Variants in CLASP1 observed in about 807,000 individuals in gnomAD.
CLASP1 encodes the protein CLIP-associating protein 1.
Under a neutral mutation model 192.3 loss-of-function variants are expected in CLASP1, and 38 were observed. That is an observed-to-expected ratio of 0.20 (90% confidence interval 0.15 to 0.26). The LOEUF (loss-of-function observed/expected upper bound fraction) is 0.26, where lower values mean the gene tolerates loss of function less well. Among genes scored for constraint, CLASP1 ranks in the 10% least tolerant of loss-of-function variants. CLASP1 has a pLI of 1.00. For missense variants in CLASP1, 1,433 were observed against 1,932.5 expected, an observed-to-expected ratio of 0.74 and a Z score of 4.85; for synonymous variants, 691 against 712.8, an observed-to-expected ratio of 0.97 and a Z score of 0.49.
chr2:121,610,512 AGAG>A (rs1440192564), intron 1 of CLASP1, among the ~76,000 whole-genome samples: 2 of 113,608 alleles, frequency 1.8e-5, no homozygotes, highest in Non-Finnish European at 3.7e-5. Context: ...AAGAGGAACT[AGAG>A]GAGGAGGAGG....
chr2:121,473,934 TG>T (rs1439275555), intron 8 of CLASP1, among the ~76,000 whole-genome samples: 1 of 152,044 alleles, frequency 6.6e-6, no homozygotes, highest in Non-Finnish European at 1.5e-5. Flanking sequence ...CTTCAAGAAA[TG>T]TAACAGGAAG....
chr2:121,647,982 G>A (rs2073486238), intron 1 of CLASP1, among the ~76,000 whole-genome samples: 1 of 152,260 alleles, frequency 6.6e-6, no homozygotes, highest in South Asian at 2.1e-4. Context: ...TGCTAAAAAG[G>A]TGTATTACAC....
At chr2:121,492,286 G>A (rs982542273) in intron 8 of CLASP1, among the ~76,000 whole-genome samples, 2 of 151,384 alleles carry the variant, frequency 1.3e-5, no homozygotes, top group Non-Finnish European at 2.9e-5. Context: ...CTACCCGGGA[G>A]GCTGAGGCAG....
exon 22 of CLASP1, chr2:121,425,169 G>A: frequency 1.9e-6 from 3 of 1,611,674 alleles, no homozygotes; most frequent in Non-Finnish European, 2.5e-6. Context: ...CTTGTTTCCC[G>A]GCTACATCCC....
chr2:121,589,163 C>G (rs2062074448), intron 2 of CLASP1, among the ~76,000 whole-genome samples: 1 of 152,210 alleles, frequency 6.6e-6, no homozygotes, highest in Non-Finnish European at 1.5e-5. Flanking sequence ...TCTCAACCAC[C>G]ACGCTGGCCA....
chr2:121,610,506 G>C (rs765488436), intron 1 of CLASP1, among the ~76,000 whole-genome samples: 34 of 147,050 alleles, frequency 2.3e-4, no homozygotes, highest in Non-Finnish European at 4.6e-4. Flanking sequence ...AGGAGGAAGA[G>C]GAACTAGAGG....
chr2:121,520,078 G>C (rs1417271925), intron 6 of CLASP1, among the ~76,000 whole-genome samples: 1 of 152,178 alleles, frequency 6.6e-6, no homozygotes, highest in Non-Finnish European at 1.5e-5. Flanking sequence ...TCCAACGTCT[G>C]ACCATGTTGT....
intron 22 of CLASP1, among the ~76,000 whole-genome samples, chr2:121,419,938 G>A (rs929209321): frequency 6.6e-6 from 1 of 152,088 alleles, no homozygotes; most frequent in Non-Finnish European, 1.5e-5. Context: ...TTGTTTGAGA[G>A]CAAAGATTTA....
chr2:121,615,514 A>C (rs897521855), intron 1 of CLASP1, among the ~76,000 whole-genome samples: 1 of 151,832 alleles, frequency 6.6e-6, no homozygotes, highest in East Asian at 2.0e-4. Flanking sequence ...AAACAAAAAC[A>C]GGTCGGGTGC....
intron 1 of CLASP1, among the ~76,000 whole-genome samples, chr2:121,613,629 TA>T (rs34993191): frequency 0.67 from 98,877 of 148,630 alleles, 34,273 homozygotes; most frequent in Middle Eastern, 0.8. Context: ...CCTTTTTTTT[TA>T]AAAAAAAAAA....
chr2:121,471,619 T>C (rs2090752039), intron 8 of CLASP1, among the ~76,000 whole-genome samples: 1 of 152,074 alleles, frequency 6.6e-6, no homozygotes, highest in Non-Finnish European at 1.5e-5. Context: ...CAATGCTCCC[T>C]AAAACTCAAC....
intron 2 of CLASP1, among the ~76,000 whole-genome samples, chr2:121,562,530 G>C (rs1295676208): frequency 6.6e-6 from 1 of 152,174 alleles, no homozygotes; most frequent in Non-Finnish European, 1.5e-5. Context: ...CCAACACTGA[G>C]AGTCCTATGA....
intron 8 of CLASP1, among the ~76,000 whole-genome samples, chr2:121,491,417 T>C (rs1335808377): frequency 6.6e-6 from 1 of 152,248 alleles, no homozygotes; most frequent in African/African-American, 2.4e-5. Context: ...CAAATTAATG[T>C]TCATGGGCCT....
At chr2:121,474,996 G>C (rs2091426089) in intron 8 of CLASP1, among the ~76,000 whole-genome samples, 1 of 152,168 alleles carries the variant, frequency 6.6e-6, no homozygotes, top group South Asian at 2.1e-4. Flanking sequence ...GCAAACACAT[G>C]CACATAAAAA....
intron 8 of CLASP1, among the ~76,000 whole-genome samples, chr2:121,475,622 G>A (rs72969336): frequency 0.039 from 5,872 of 152,270 alleles, 158 homozygotes; most frequent in East Asian, 0.14. Flanking sequence ...CTAAGCATAC[G>A]TCTGGTAGTA....
intron 4 of CLASP1, 64 bp downstream of exon 4, chr2:121,528,613 C>T: frequency 8.1e-7 from 1 of 1,236,924 alleles, no homozygotes. Flanking sequence ...TACACACACA[C>T]ACCCTCGCAC....
At chr2:121,510,770 C>T (rs906407065) in intron 7 of CLASP1, among the ~76,000 whole-genome samples, 22 of 151,894 alleles carry the variant, frequency 1.4e-4, no homozygotes, top group African/African-American at 5.1e-4. Context: ...TGCACTCCAG[C>T]CTGGGCAACA....
At chr2:121,478,803 CA>C (rs1559367375) in intron 8 of CLASP1, among the ~76,000 whole-genome samples, 2 of 37,328 alleles carry the variant, frequency 5.4e-5, no homozygotes, top group Non-Finnish European at 1.3e-4. Context: ...CCACACACCA[CA>C]CACACACCCC....
chr2:121,624,906 C>A (rs2068034048), intron 1 of CLASP1, among the ~76,000 whole-genome samples: 1 of 152,170 alleles, frequency 6.6e-6, no homozygotes, highest in African/African-American at 2.4e-5. Context: ...TTTCCTGTGG[C>A]TTTCTCTTTG....
Sources: gnomAD v4.1 joint callset for allele counts (sites outside exome capture counted in the v4.1 genomes callset) on GRCh38, gnomAD v4.1.1 for gene constraint, MANE v1.5 for transcripts, NCBI Gene and HGNC (gene_info 2026-07-23, HGNC 2026-07-21) for gene names.